The following SLC27A1 variants were observed in gnomAD, a reference collection of about 807,000 sequenced individuals.
The protein encoded by SLC27A1 is solute carrier family 27 member 1.
Under a neutral mutation model 62.2 loss-of-function variants are expected in SLC27A1, and 61 were observed. The observed-to-expected ratio is 0.98, with a 90% CI of 0.80 to 1.21. The LOEUF (loss-of-function observed/expected upper bound fraction) is 1.21. Among genes scored for constraint, SLC27A1 ranks in the 50% most tolerant of loss-of-function variants. The pLI is 0.00. For missense variants in SLC27A1, 903 were observed against 932.1 expected, an observed-to-expected ratio of 0.97 and a Z score of 0.41; for synonymous variants, 435 against 408.6, an observed-to-expected ratio of 1.06 and a Z score of -0.78.
Position 17,504,597 on chromosome 19 carries a change from C to A in SLC27A1, c.1926C>A (p.Gly642=), listed in dbSNP as rs762455693. ...NEAVYTRICS[G]AFAL is the part of the protein sequence containing the mutation. ...CAGTCTACACTCGCATCTGCTCGGG[C>A]GCCTTCGCCCTCTGAAGCTGTTCCT... Residue 642 remains glycine (G), a synonymous_variant, in exon 12 of 12, where the codon GGC becomes GGA. Transcript: ENST00000252595. 6.2e-7 allele frequency: 1 copy of A among 1,614,160 alleles called. No homozygotes were observed. The highest frequency in any genetic ancestry group is 1.1e-5 in the South Asian group (1 of 91,092).
At chr19:17,494,531 T>G (rs1308035766) in intron 6 of SLC27A1, among the ~76,000 whole-genome samples, 6 of 151,748 alleles carry the variant, frequency 4.0e-5, no homozygotes, top group African/African-American at 1.5e-4. Context: ...TTCACCATGT[T>G]GGCCAGGCTG....
intron 10 of SLC27A1, 73 bp downstream of exon 10, chr19:17,500,949 A>T: frequency 6.9e-7 from 1 of 1,458,908 alleles, no homozygotes; most frequent in Non-Finnish European, 9.1e-7. Flanking sequence ...GCTTAGAAGT[A>T]CACATGCCTT....
In SLC27A1 at chr19:17,493,895, G is replaced by A. The variant is rs573522507; in HGVS notation, c.997-3360G>A. Among the ~76,000 whole-genome samples, 13 of 152,174 alleles carry A rather than the reference G, an allele frequency of 8.5e-5. No homozygotes were observed. In the South Asian group the frequency reaches 2.7e-3, roughly 32 times the overall value. Reference sequence around the variant, plus strand: ...CCTGCCCCAGCCTCCCAAACTGCTGGGATTACAGCCATGAGCCACAGCAGC... The same window carrying A: ...CCTGCCCCAGCCTCCCAAACTGCTGAGATTACAGCCATGAGCCACAGCAGC... On this transcript the variant is annotated intron_variant, in intron 6 of 11. Transcript: ENST00000252595.
Position 17,501,320 on chromosome 19 carries a change from C to T in SLC27A1, c.1684C>T (p.Leu562=), listed in dbSNP as rs772716168. ...GMAAVADPHS[L]LDPNAIYQEL... is the part of the protein sequence containing the mutation. ...GGCGGCCGTCGCAGACCCCCACAGCCTGCTGGACCCCAACGCGATATACCA... is the reference window on the plus strand; with the variant it reads ...GGCGGCCGTCGCAGACCCCCACAGCTTGCTGGACCCCAACGCGATATACCA... The change falls in exon 11 of 12, where the codon CTG becomes TTG. Residue 562 remains leucine, a synonymous_variant. Coordinates refer to ENST00000252595, the MANE Select transcript of SLC27A1 (RefSeq NM_198580.3). 3.2e-5 allele frequency: 51 copies of T among 1,613,904 alleles called. 1 individual carries two copies. In the East Asian group the frequency reaches 1.1e-3, roughly 35 times the overall value.
chr19:17,484,626 G>A (rs1279911641), intron 1 of SLC27A1, among the ~76,000 whole-genome samples: 3 of 152,006 alleles, frequency 2.0e-5, no homozygotes, highest in African/African-American at 7.3e-5. Context: ...AATGAATGAC[G>A]GAGGGAGGGA....
rs1227233352 is a variant in SLC27A1 at position 17,488,945 on chromosome 19, A to G, written c.886+6A>G. 1.2e-6 allele frequency: 2 copies of G among 1,613,972 alleles called. No homozygotes were observed. Among genetic ancestry groups the G allele is most frequent in the East Asian group, 2.2e-5 (1 of 44,880 alleles). On this transcript the variant is annotated splice_donor_region_variant and intron_variant, in intron 5 of 11. Coordinates refer to ENST00000252595, the MANE Select transcript of SLC27A1 (RefSeq NM_198580.3). ...GCCCCTGTACCACTCGGCAGGTACT[A>G]CGGCCTGGGTAGGGAATGGTGGGTG...
intron 6 of SLC27A1, 138 bp downstream of exon 6, chr19:17,489,255 CT>C: frequency 2.9e-6 from 2 of 680,504 alleles, no homozygotes; most frequent in Non-Finnish European, 5.0e-6. Flanking sequence ...AGGTCCCGTC[CT>C]CTCCCAGCCA....
rs559541926 is a variant in SLC27A1, at chr19:17,474,830, A to C, written c.167+4123A>C. Reference sequence around the variant, plus strand: ...TTTTTAGTAGAGACGGGGTTTCTCCATGTTGGCCAGGCTGGTCTTGAACTC... The same window carrying C: ...TTTTTAGTAGAGACGGGGTTTCTCCCTGTTGGCCAGGCTGGTCTTGAACTC... On this transcript the variant is annotated intron_variant, in intron 1 of 11. Transcript: ENST00000252595. Among the ~76,000 whole-genome samples the C allele has an allele frequency of 9.2e-5, 14 of 151,532 alleles. No individual in the cohort carries two copies. The East Asian group carries it at 2.5e-3, about 27-fold the overall frequency.
chr19:17,469,444 T>G (rs1003128312), upstream of SLC27A1, among the ~76,000 whole-genome samples: 3 of 152,112 alleles, frequency 2.0e-5, no homozygotes, highest in Admixed American at 2.0e-4. Context: ...GTAGAGATCC[T>G]GCACGCCAAC....
chr19:17,484,451 C>T (rs943627575), intron 1 of SLC27A1, among the ~76,000 whole-genome samples: 1 of 151,990 alleles, frequency 6.6e-6, no homozygotes, highest in Non-Finnish European at 1.5e-5. Context: ...ATTTTGCTGG[C>T]CCTGGTGACG....
Position 17,471,426 on chromosome 19 carries a change from T to C in SLC27A1, c.167+719T>C, listed in dbSNP as rs10421155. The stretch of plus-strand genomic sequence containing the variant: ...CTCTTCTGGAGACTGGGACACTGGA[T>C]TCATGCTAGGGGGGCAGATTCTGGT... On this transcript the variant is annotated intron_variant, in intron 1 of 11. Transcript: ENST00000252595. Among the ~76,000 whole-genome samples the C allele has an allele frequency of 2.0e-3, 304 of 151,990 alleles. 3 individuals are homozygous for C. Among genetic ancestry groups the C allele is most frequent in the African/African-American group, 6.9e-3 (286 of 41,412 alleles).
intron 1 of SLC27A1, among the ~76,000 whole-genome samples, chr19:17,480,447 T>C (rs2075164990): frequency 6.6e-6 from 1 of 151,748 alleles, no homozygotes; most frequent in Non-Finnish European, 1.5e-5. Flanking sequence ...CATGGCTCAC[T>C]GCAACCCTGA....
At chr19:17,469,311 G>A (rs1379378602), upstream of SLC27A1, among the ~76,000 whole-genome samples, 6 of 152,138 alleles carry the variant, frequency 3.9e-5, no homozygotes, top group Non-Finnish European at 7.3e-5. Flanking sequence ...GCACTCCCCC[G>A]GGCCCTGGAA....
At position 17,500,795 on chromosome 19, in the gene SLC27A1, G is replaced by A. The variant is rs754844352; in HGVS notation, c.1555G>A (p.Val519Ile). The A allele has an allele frequency of 2.7e-5, 44 of 1,612,574 alleles. No homozygotes were observed. The highest frequency in any genetic ancestry group is 1.6e-4 in the African/African-American group (12 of 74,908). ...GDTFRWRGEN[V>I]STTEVEGVLS... ...CACCTTCCGCTGGCGAGGGGAGAAC[G>A]TCTCCACCACCGAGGTGGAGGGCGT... The change falls in exon 10 of 12, where the codon GTC becomes ATC. Residue 519 changes from valine to isoleucine, a missense_variant. Coordinates refer to ENST00000252595, the MANE Select transcript of SLC27A1 (RefSeq NM_198580.3).
intron 1 of SLC27A1, among the ~76,000 whole-genome samples, chr19:17,475,019 A>G (rs1389633178): frequency 2.0e-5 from 3 of 151,662 alleles, no homozygotes; most frequent in Non-Finnish European, 2.9e-5. Flanking sequence ...GGTTCAAGCA[A>G]TTCTCCTGTC....
rs143312998 is a variant in SLC27A1, at chr19:17,497,329, C to A, written c.1071C>A (p.Arg357=). The A allele has an allele frequency of 1.2e-6, 2 of 1,605,198 alleles. No individual in the cohort carries two copies. The highest frequency in any genetic ancestry group is 1.7e-6 in the Non-Finnish European group (2 of 1,177,374). The change falls in exon 7 of 12, where the codon CGC becomes CGA. Residue 357 remains arginine, a synonymous_variant. Coordinates refer to ENST00000252595, the MANE Select transcript of SLC27A1 (RefSeq NM_198580.3). Reference sequence around the variant, plus strand: ...TGCGCGAGGCGGAGAGGCGACACCGCGTGCGCCTGGCGGTGGGGAACGGGC... The same window carrying A: ...TGCGCGAGGCGGAGAGGCGACACCGAGTGCGCCTGGCGGTGGGGAACGGGC... The part of the protein sequence containing the change: ...QPVREAERRH[R]VRLAVGNGLR...
chr19:17,476,432 G>A (rs929093382), intron 1 of SLC27A1, among the ~76,000 whole-genome samples: 1 of 151,910 alleles, frequency 6.6e-6, no homozygotes. Context: ...CAGCTACTCG[G>A]GATGCTGAGG....
At chr19:17,485,090 G>T (rs1568414300) in intron 1 of SLC27A1, among the ~76,000 whole-genome samples, 1 of 152,000 alleles carries the variant, frequency 6.6e-6, no homozygotes, top group Non-Finnish European at 1.5e-5. Flanking sequence ...CCAGGAAGGG[G>T]TGGGGACCAC....
At chr19:17,494,926 A>C (rs944938088) in intron 6 of SLC27A1, among the ~76,000 whole-genome samples, 4 of 150,624 alleles carry the variant, frequency 2.7e-5, no homozygotes, top group Non-Finnish European at 5.9e-5. Context: ...TTCACGGTCT[A>C]TTTAGATCAG....
Sources: gnomAD v4.1 joint callset for allele counts (sites outside exome capture counted in the v4.1 genomes callset) on GRCh38, gnomAD v4.1.1 for gene constraint, MANE v1.5 for transcripts, NCBI Gene and HGNC (gene_info 2026-07-23, HGNC 2026-07-21) for gene names.